The following EXOC2 variants were observed in gnomAD, a reference collection of about 807,000 sequenced individuals.
EXOC2 encodes SEC5-like 1.
In EXOC2, 70 loss-of-function variants were observed where a neutral mutation model predicts 131.8. The observed-to-expected ratio is 0.53, with a 90% confidence interval of 0.44 to 0.65. EXOC2 has a LOEUF of 0.65. Ranked by LOEUF, EXOC2 falls within the 30% of genes least tolerant of loss-of-function variation. The probability of loss-of-function intolerance (pLI) is 0.00; values close to 1 mark genes in which losing one functional copy is unlikely to be tolerated. For missense variants in EXOC2, 923 were observed against 1,108.6 expected, an observed-to-expected ratio of 0.83 and a Z score of 2.38; for synonymous variants, 411 against 398.4, an observed-to-expected ratio of 1.03 and a Z score of -0.38.
intron 19 of EXOC2, 55 bp from the exon 20 acceptor site, chr6:555,343 A>G: frequency 8.8e-7 from 1 of 1,142,856 alleles, no homozygotes. Flanking sequence ...CTAGACATTA[A>G]TCTATTTGGA....
chr6:529,223 C>T (rs551834546), intron 23 of EXOC2, among the ~76,000 whole-genome samples: 10 of 152,300 alleles, frequency 6.6e-5, no homozygotes, highest in South Asian at 4.1e-4. Context: ...GACCTAACGC[C>T]GCCCTTCAGG....
In EXOC2 at chr6:535,320, C is replaced by A. The variant is rs1280479515; in HGVS notation, c.2239-2710G>T. ...ATCGAGGCTGCAGCGTGGTATGATT[C>A]AACTACCGTACTCCAATCTAGGTAA... On this transcript the variant is annotated intron_variant, in intron 22 of 27. Coordinates refer to ENST00000230449, the MANE Select transcript of EXOC2 (RefSeq NM_018303.6). Among the ~76,000 whole-genome samples the A allele has an allele frequency of 6.6e-5, 10 of 152,172 alleles. 1 individual carries two copies. In the East Asian group the frequency reaches 1.9e-3, roughly 29 times the overall value.
At chr6:605,229 G>C (rs147717412) in intron 7 of EXOC2, among the ~76,000 whole-genome samples, 1 of 152,324 alleles carries the variant, frequency 6.6e-6, no homozygotes, top group African/African-American at 2.4e-5. Context: ...GACAGGGGCT[G>C]TGCAAGCTAA....
At chr6:678,552 G>C (rs1211971051) in intron 1 of EXOC2, among the ~76,000 whole-genome samples, 1 of 152,228 alleles carries the variant, frequency 6.6e-6, no homozygotes, top group East Asian at 1.9e-4. Flanking sequence ...TTTTAGGATA[G>C]AAAGTATTTT....
intron 6 of EXOC2, 62 bp downstream of exon 6, chr6:617,649 G>C (rs1761081400): frequency 1.3e-6 from 2 of 1,577,200 alleles, no homozygotes; most frequent in Non-Finnish European, 1.7e-6. Context: ...TAAACACCCT[G>C]CAGGCAGTGC....
chr6:646,788 C>T (rs192045006), intron 1 of EXOC2, among the ~76,000 whole-genome samples: 11 of 152,234 alleles, frequency 7.2e-5, no homozygotes, highest in East Asian at 3.9e-4. Context: ...TGCTTCTAAA[C>T]GCAGACAAAA....
chr6:582,241 A>ATT (rs35523446), intron 11 of EXOC2, among the ~76,000 whole-genome samples: 15 of 151,704 alleles, frequency 9.9e-5, no homozygotes, highest in African/African-American at 3.4e-4. Context: ...AATAGTCGGT[A>ATT]TTTTTTTTTT....
At chr6:494,343 G>T (rs1296147599) in intron 25 of EXOC2, among the ~76,000 whole-genome samples, 1 of 152,104 alleles carries the variant, frequency 6.6e-6, no homozygotes, top group African/African-American at 2.4e-5. Context: ...CAGTAACACA[G>T]CCTCACATGA....
rs143806291 is a variant in EXOC2 at position 522,268 on chromosome 6, C to T, written c.2380+10201G>A. 8.2e-3 allele frequency among the ~76,000 whole-genome samples: 1,126 copies of T among 137,520 alleles called. 7 individuals are homozygous for T. Among genetic ancestry groups the T allele is most frequent in the Non-Finnish European group, 0.014 (895 of 63,342 alleles). The allele number at this position is 137,520 out of a possible 152,430, so 90.2% of individuals were successfully genotyped here. ...TGTCTCCAGGCCTCAGGCAGGTCCA[C>T]GCGGACTGCAGGACAGCGTGTGGGG... On this transcript the variant is annotated intron_variant, in intron 23 of 27. Transcript: ENST00000230449.
intron 13 of EXOC2, among the ~76,000 whole-genome samples, chr6:569,741 T>C (rs1361958798): frequency 1.3e-5 from 2 of 152,250 alleles, no homozygotes; most frequent in East Asian, 1.9e-4. Context: ...TTAGTAATTA[T>C]TGCTATAAGC....
intron 1 of EXOC2, among the ~76,000 whole-genome samples, chr6:652,971 A>G (rs551113491): frequency 4.1e-4 from 63 of 152,266 alleles, no homozygotes; most frequent in African/African-American, 1.5e-3. Flanking sequence ...ATTATCTCAA[A>G]CTTATTCATT....
At chr6:638,249 C>T (rs1471241694) in intron 1 of EXOC2, among the ~76,000 whole-genome samples, 2 of 152,186 alleles carry the variant, frequency 1.3e-5, no homozygotes, top group Non-Finnish European at 2.9e-5. Context: ...TAACTATACT[C>T]ATAAAAATAA....
At chr6:669,103 C>T (rs1344769711) in intron 1 of EXOC2, 4 of 152,342 alleles carry the variant, frequency 2.6e-5, no homozygotes, top group Non-Finnish European at 5.9e-5. Flanking sequence ...GCATCCCACA[C>T]CCGGCTGATC....
At chr6:581,660 TTTGAG>T (rs1487440524) in intron 11 of EXOC2, among the ~76,000 whole-genome samples, 1 of 152,204 alleles carries the variant, frequency 6.6e-6, no homozygotes, top group Non-Finnish European at 1.5e-5. Flanking sequence ...CACATTAGTA[TTTGAG>T]TTATTATTTT....
At chr6:518,824 T>TA (rs1201041918) in intron 23 of EXOC2, among the ~76,000 whole-genome samples, 1 of 152,172 alleles carries the variant, frequency 6.6e-6, no homozygotes, top group Non-Finnish European at 1.5e-5. Context: ...TTAAAGAGAT[T>TA]AAGTACAAGA....
intron 11 of EXOC2, among the ~76,000 whole-genome samples, chr6:585,071 A>C (rs1405176101): frequency 6.6e-6 from 1 of 152,212 alleles, no homozygotes; most frequent in African/African-American, 2.4e-5. Context: ...CTTCTTAATA[A>C]GGTAGTAAAA....
At chr6:582,302 G>T (rs1230071777) in intron 11 of EXOC2, among the ~76,000 whole-genome samples, 1 of 151,962 alleles carries the variant, frequency 6.6e-6, no homozygotes, top group Non-Finnish European at 1.5e-5. Context: ...CTTAAGGGAA[G>T]CCTGCAGACA....
intron 13 of EXOC2, among the ~76,000 whole-genome samples, chr6:569,664 C>G (rs1221866241): frequency 6.6e-6 from 1 of 152,218 alleles, no homozygotes; most frequent in Non-Finnish European, 1.5e-5. Flanking sequence ...GCGCTTTCCT[C>G]TAGCTCTTCA....
intron 22 of EXOC2, among the ~76,000 whole-genome samples, chr6:548,761 G>A (rs1407019481): frequency 6.6e-6 from 1 of 152,192 alleles, no homozygotes; most frequent in Non-Finnish European, 1.5e-5. Flanking sequence ...GTGTGAATAC[G>A]CAGGAAGAGG....
Sources: gnomAD v4.1 joint callset for allele counts (sites outside exome capture counted in the v4.1 genomes callset) on GRCh38, gnomAD v4.1.1 for gene constraint, MANE v1.5 for transcripts, NCBI Gene and HGNC (gene_info 2026-07-23, HGNC 2026-07-21) for gene names.